Variants in REX1BD observed in about 807,000 individuals in gnomAD.
REX1BD encodes required for excision 1-B domain containing.
REX1BD carries 22 observed loss-of-function variants against 24.4 expected under a neutral mutation model. That is an observed-to-expected ratio of 0.90 (90% CI 0.64 to 1.29). The LOEUF (loss-of-function observed/expected upper bound fraction) is 1.29, where lower values mean the gene tolerates loss of function less well. Among genes scored for constraint, REX1BD ranks in the 50% most tolerant of loss-of-function variants. The probability of loss-of-function intolerance (pLI) is 0.00; values close to 1 mark genes in which losing one functional copy is unlikely to be tolerated. For missense variants in REX1BD, 293 were observed against 285.3 expected (o/e 1.03, Z -0.19); for synonymous variants, 146 against 125.9 (o/e 1.16, Z -1.07).
At chr19:18,591,000 C>A in intron 4 of REX1BD, 67 bp downstream of exon 4, 1 of 1,383,872 alleles carries the variant, frequency 7.2e-7, no homozygotes, top group Non-Finnish European at 9.6e-7. Context: ...GGTCAGGACG[C>A]TGCCAGCAGA....
chr19:18,589,750 C>A, intron 3 of REX1BD, 67 bp downstream of exon 3: 2 of 1,431,220 alleles, frequency 1.4e-6, no homozygotes, highest in South Asian at 3.0e-5. Flanking sequence ...TGACGCACCC[C>A]TGGTTGGGGG....
chr19:18,589,806 C>T, intron 3 of REX1BD, 123 bp downstream of exon 3: 1 of 1,309,604 alleles, frequency 7.6e-7, no homozygotes, highest in South Asian at 1.7e-5. Context: ...TCCTGTCCCA[C>T]CCCAATCCTC....
rs979111123 is a variant in REX1BD, at chr19:18,589,563, C to T, written c.333C>T (p.Phe111=). The part of the protein sequence containing the change: ...RSTVHGVTQA[F]AAASREVLAV... ...CAGTGCACGGGGTGACCCAGGCCTT[C>T]GCCGCCGCCTCGCGGGAGGTGCTGG... Residue 111 remains phenylalanine (F), a synonymous_variant, in exon 3 of 5, where the codon TTC becomes TTT. Coordinates refer to ENST00000358607, the MANE Select transcript of REX1BD (RefSeq NM_001100418.2). 3.2e-6 allele frequency: 5 copies of T among 1,570,508 alleles called. No individual in the cohort carries two copies. The highest frequency in any genetic ancestry group is 3.6e-5 in the Admixed American group (2 of 55,848).
intron 4 of REX1BD, chr19:18,591,212 T>TG (rs1406061441): frequency 2.8e-6 from 1 of 358,092 alleles, no homozygotes; most frequent in Non-Finnish European, 5.1e-6. Context: ...GACCTTCAGA[T>TG]GCCTGTCCTC....
chr19:18,589,270 G>A (rs1975984417), intron 2 of REX1BD, 143 bp from the exon 3 acceptor site: 9 of 1,537,234 alleles, frequency 5.9e-6, no homozygotes, highest in Non-Finnish European at 7.8e-6. Context: ...ACTACCCGAC[G>A]ACTCACTCTT....
intron 4 of REX1BD, chr19:18,591,402 CT>C (rs1396307497): frequency 6.5e-6 from 1 of 153,490 alleles, no homozygotes; most frequent in Non-Finnish European, 1.5e-5. Context: ...CAACCTCCGC[CT>C]CCCGGGTTCA....
At position 18,589,054 on chromosome 19, in the gene REX1BD, G is replaced by A. The variant is rs1466034575; in HGVS notation, c.159G>A (p.Ala53=). ...TCCACCAGCTGCAGGCTGAGCGCGC[G>A]CAGGGCTTCCGCCGACTGGAGGAGT... ...QRIHQLQAER[A]QGFRRLEEWL... Residue 53 remains alanine (A), a synonymous_variant, in exon 2 of 5, where the codon GCG becomes GCA. Transcript: ENST00000358607. The A allele has an allele frequency of 2.0e-6, 3 of 1,520,966 alleles. No homozygotes were observed. The highest frequency in any genetic ancestry group is 2.4e-5 in the South Asian group (2 of 82,072). 94.2% of individuals were successfully genotyped at this position (1,520,966 alleles called of 1,614,324 possible).
In REX1BD at chr19:18,588,908, C is replaced by T. The variant is rs371558866; in HGVS notation, c.99+8C>T. The stretch of plus-strand genomic sequence containing the variant: ...GAGCCGGCGTGGCCCTGGGTGAGCC[C>T]AGGCCCAAGCGGGAACGGGCGCGGG... On this transcript the variant is annotated splice_region_variant and intron_variant, in intron 1 of 4. Transcript: ENST00000358607. 3.5e-4 allele frequency: 529 copies of T among 1,529,242 alleles called. 2 individuals are homozygous for T. In the African/African-American group the frequency reaches 6.6e-3, roughly 19 times the overall value. 94.7% of individuals were successfully genotyped at this position (1,529,242 alleles called of 1,614,324 possible).
chr19:18,588,931 G>C, intron 1 of REX1BD, 31 bp downstream of exon 1: 1 of 1,524,582 alleles, frequency 6.6e-7, no homozygotes, highest in Non-Finnish European at 8.8e-7. Flanking sequence ...GAACGGGCGC[G>C]GGGCGGGCGG....
chr19:18,589,808 C>G, intron 3 of REX1BD, 125 bp downstream of exon 3: 2 of 1,305,626 alleles, frequency 1.5e-6, no homozygotes, highest in Middle Eastern at 2.8e-4. Flanking sequence ...CTGTCCCACC[C>G]CAATCCTCTA....
rs1266036048 is a variant in REX1BD at position 18,589,053 on chromosome 19, C to G, written c.158C>G (p.Ala53Gly). The G allele has an allele frequency of 6.6e-7, 1 of 1,520,992 alleles. No homozygotes were observed. The allele number at this position is 1,520,992 out of a possible 1,614,324, so 94.2% of individuals were successfully genotyped here. ...ATCCACCAGCTGCAGGCTGAGCGCG[C>G]GCAGGGCTTCCGCCGACTGGAGGAG... ...QRIHQLQAER[A>G]QGFRRLEEWL... Residue 53 changes from alanine to glycine, a missense_variant, in exon 2 of 5, where the codon GCG (alanine) becomes GGG (glycine). Coordinates refer to ENST00000358607, the MANE Select transcript of REX1BD (RefSeq NM_001100418.2).
rs1207013470 is a variant in REX1BD at position 18,589,052 on chromosome 19, G to C, written c.157G>C (p.Ala53Pro). Reference protein sequence around the residue: ...QRIHQLQAERAQGFRRLEEWL... With the variant: ...QRIHQLQAERPQGFRRLEEWL... ...CATCCACCAGCTGCAGGCTGAGCGC[G>C]CGCAGGGCTTCCGCCGACTGGAGGA... Residue 53 changes from alanine (A) to proline (P), a missense_variant, in exon 2 of 5, where the codon GCG (alanine) becomes CCG (proline). Ala to Pro is a conservative substitution (Grantham distance 27, BLOSUM62 -1). Transcript: ENST00000358607. 2.0e-6 allele frequency: 3 copies of C among 1,521,448 alleles called. No individual in the cohort carries two copies. In the African/African-American group the frequency reaches 4.1e-5, roughly 21 times the overall value. 94.2% of individuals were successfully genotyped at this position (1,521,448 alleles called of 1,614,324 possible).
In REX1BD at chr19:18,589,738, C is replaced by T. The variant is rs957695666; in HGVS notation, c.453+55C>T. 13 of 1,434,718 alleles carry T rather than the reference C, an allele frequency of 9.1e-6. No individual in the cohort carries two copies. The African/African-American group carries it at 1.7e-4, about 19-fold the overall frequency. The allele number at this position is 1,434,718 out of a possible 1,614,324, so 88.9% of individuals were successfully genotyped here. A position where few individuals can be genotyped will look rare whatever the true frequency, so the allele number is the denominator to read the frequency against. On this transcript the variant is annotated intron_variant, in intron 3 of 4. Transcript: ENST00000358607. ...CTCTAGGACCCTGGCCGGCTCCTCT[C>T]ATGACGCACCCCTGGTTGGGGGGTG...
In REX1BD at chr19:18,591,118, C is replaced by A; in HGVS notation, c.533+185C>A. ...TTCACATCAGTTTCGCTGTGCATTGCTGGGACACTGCTGTATACCTCGACA... is the reference window on the plus strand; with the variant it reads ...TTCACATCAGTTTCGCTGTGCATTGATGGGACACTGCTGTATACCTCGACA... On this transcript the variant is annotated intron_variant, in intron 4 of 4. Transcript: ENST00000358607. 1.4e-5 allele frequency: 8 copies of A among 566,154 alleles called. No homozygotes were observed. In the South Asian group the frequency reaches 1.8e-4, roughly 13 times the overall value. 35.1% of individuals were successfully genotyped at this position (566,154 alleles called of 1,614,324 possible).
intron 4 of REX1BD, chr19:18,591,233 C>T: frequency 3.1e-6 from 1 of 318,040 alleles, no homozygotes; most frequent in Admixed American, 4.8e-5. Flanking sequence ...AGCCCCCAAG[C>T]ACACACACTC....
Position 18,589,453 on chromosome 19 carries a change from G to A in REX1BD, c.223G>A (p.Gly75Ser). 1.3e-6 allele frequency: 2 copies of A among 1,557,596 alleles called. No individual in the cohort carries two copies. Among genetic ancestry groups the A allele is most frequent in the Non-Finnish European group, 1.7e-6 (2 of 1,151,542 alleles). The part of the protein sequence containing the change: ...PVQGLRAWGR[G>S]LRVPTCRRGH... ...GCAGGGCCTGAGAGCCTGGGGGCGC[G>A]GCCTCAGGGTCCCCACATGCCGCAG... The change falls in exon 3 of 5, where the codon GGC becomes AGC. Residue 75 changes from glycine to serine, a missense_variant. Gly to Ser is a moderately conservative substitution (Grantham distance 56, BLOSUM62 0). Coordinates refer to ENST00000358607, the MANE Select transcript of REX1BD (RefSeq NM_001100418.2).
In REX1BD at chr19:18,592,249, CT is replaced by C; in HGVS notation, c.*70del. 2.5e-6 allele frequency: 4 copies of C among 1,582,540 alleles called. No homozygotes were observed. The Middle Eastern group carries it at 7.4e-4, about 291-fold the overall frequency. On this transcript the variant is annotated 3_prime_UTR_variant, in exon 5 of 5. Transcript: ENST00000358607. ...CGGATGGCGCCCAGCCCAGCCCTAACTGCCAGCTGGCTGGGGTTGCGCCCCA... is the reference window on the plus strand; with the variant it reads ...CGGATGGCGCCCAGCCCAGCCCTAACGCCAGCTGGCTGGGGTTGCGCCCCA...
At chr19:18,588,924 C>A in intron 1 of REX1BD, 24 bp downstream of exon 1, 4 of 1,525,800 alleles carry the variant, frequency 2.6e-6, no homozygotes, top group Non-Finnish European at 3.5e-6. Context: ...CAAGCGGGAA[C>A]GGGCGCGGGG....
At position 18,589,457 on chromosome 19, in the gene REX1BD, T is replaced by G; in HGVS notation, c.227T>G (p.Leu76Arg). ...GGCCTGAGAGCCTGGGGGCGCGGCC[T>G]CAGGGTCCCCACATGCCGCAGAGGC... The part of the protein sequence containing the change: ...VQGLRAWGRG[L>R]RVPTCRRGHR... Residue 76 changes from leucine (L) to arginine (R), a missense_variant, in exon 3 of 5, where the codon CTC (leucine) becomes CGC (arginine). By Grantham distance (102) the Leu-to-Arg change is moderately radical (BLOSUM62 -2). Coordinates refer to ENST00000358607, the MANE Select transcript of REX1BD (RefSeq NM_001100418.2). 6.4e-7 allele frequency: 1 copy of G among 1,557,594 alleles called. No individual in the cohort carries two copies. Among genetic ancestry groups the G allele is most frequent in the Non-Finnish European group, 8.7e-7 (1 of 1,151,628 alleles).
Sources: allele counts gnomAD v4.1 joint callset, GRCh38; gene constraint gnomAD v4.1.1; transcripts MANE v1.5; gene names NCBI Gene and HGNC (gene_info 2026-07-23, HGNC 2026-07-21).